DOP1A: variants seen among roughly 807,000 people sequenced by gnomAD.
DOP1A encodes protein DOP1A.
DOP1A carries 90 observed loss-of-function variants against 267.6 expected under a neutral mutation model. The ratio of observed to expected loss-of-function variants is 0.34; its 90% CI spans 0.28 to 0.40. DOP1A has a LOEUF of 0.40. Ranked by LOEUF, DOP1A falls within the 10% of genes least tolerant of loss-of-function variation. The probability of loss-of-function intolerance (pLI) is 1.00; values close to 1 mark genes in which losing one functional copy is unlikely to be tolerated. For synonymous variants in DOP1A, 932 were observed against 999.1 expected (o/e 0.93, Z 1.27); for missense variants, 2,437 against 2,900.4 (o/e 0.84, Z 3.67).
At chr6:83,139,835 T>C (rs950851579) in intron 21 of DOP1A, among the ~76,000 whole-genome samples, 165 bp from the exon 22 acceptor site, 3 of 152,154 alleles carry the variant, frequency 2.0e-5, no homozygotes, top group Non-Finnish European at 4.4e-5. Context: ...ACTTATTTTA[T>C]AGATTAGGAA....
intron 3 of DOP1A, 122 bp downstream of exon 3, chr6:83,097,237 TTGG>T: frequency 9.2e-7 from 1 of 1,085,266 alleles, no homozygotes; most frequent in South Asian, 1.7e-5. Flanking sequence ...TAGATTACTC[TTGG>T]TAGTGCTATT....
chr6:83,096,924 GGTA>G lies in DOP1A; in HGVS notation c.-53_-51del. 1.3e-6 allele frequency: 2 copies of G among 1,588,394 alleles called. No individual in the cohort carries two copies. On this transcript the variant is annotated splice_region_variant and 5_prime_UTR_variant, in exon 3 of 39. Coordinates refer to ENST00000349129, the MANE Select transcript of DOP1A (RefSeq NM_015018.4). ...GGTTCCTCCTGCAAACTCTTTTGTA[GGTA>G]ATGACTTTACATGAGTTTGGAACTG... is the stretch of plus-strand genomic sequence containing the variant.
intron 24 of DOP1A, among the ~76,000 whole-genome samples, chr6:83,142,835 C>A (rs2128286626): frequency 6.6e-6 from 1 of 151,950 alleles, no homozygotes; most frequent in African/African-American, 2.4e-5. Context: ...AATTTTGTTG[C>A]TTTCTGAGTT....
At chr6:83,071,350 G>A (rs1014026465) in intron 1 of DOP1A, among the ~76,000 whole-genome samples, 9 of 152,062 alleles carry the variant, frequency 5.9e-5, no homozygotes, top group Admixed American at 1.3e-4. Flanking sequence ...GGTATTACAG[G>A]CACCCACCAT....
chr6:83,170,478 C>T, downstream of DOP1A: 2 of 1,613,154 alleles, frequency 1.2e-6, no homozygotes, highest in Non-Finnish European at 1.7e-6. Context: ...CTGTCTGCAA[C>T]CTAAGTGCAA....
chr6:83,114,452 T>A (rs916280470), intron 7 of DOP1A, among the ~76,000 whole-genome samples: 1 of 152,202 alleles, frequency 6.6e-6, no homozygotes, highest in Non-Finnish European at 1.5e-5. Flanking sequence ...AAGAAAGATT[T>A]ATGTTTTTTT....
In DOP1A at chr6:83,132,238, T is replaced by C. The variant is rs745946235; in HGVS notation, c.2679T>C (p.Ser893=). 32 of 1,613,756 alleles carry C rather than the reference T, an allele frequency of 2.0e-5. No individual in the cohort carries two copies. Among genetic ancestry groups the C allele is most frequent in the Non-Finnish European group, 2.6e-5 (31 of 1,179,796 alleles). Residue 893 remains serine (S), a synonymous_variant, in exon 18 of 39, where the codon AGT becomes AGC. Transcript: ENST00000349129. ...GGACACCTCAGCATCACCAGAAGAG[T>C]GTGGAACTATTTTATCAATTACATA... ...GDGTPQHHQK[S]VELFYQLHNL...
intron 4 of DOP1A, among the ~76,000 whole-genome samples, chr6:83,108,288 T>C (rs958771440): frequency 2.6e-5 from 4 of 152,162 alleles, no homozygotes; most frequent in Admixed American, 2.6e-4. Context: ...CAAGCAGTCC[T>C]CTACTCTCAG....
intron 4 of DOP1A, among the ~76,000 whole-genome samples, chr6:83,103,285 A>G (rs1469086179): frequency 6.6e-6 from 1 of 152,222 alleles, no homozygotes; most frequent in Non-Finnish European, 1.5e-5. Flanking sequence ...GAGCTAAGCT[A>G]TGAGGATGCA....
At chr6:83,170,190 G>C, downstream of DOP1A, 1 of 918,906 alleles carries the variant, frequency 1.1e-6, no homozygotes, top group Non-Finnish European at 1.7e-6. Flanking sequence ...GAACCTAAAA[G>C]GCTCAACAAA....
chr6:83,156,803 T>A (rs1040136131), intron 34 of DOP1A, among the ~76,000 whole-genome samples: 1 of 152,226 alleles, frequency 6.6e-6, no homozygotes, highest in African/African-American at 2.4e-5. Context: ...ATTTCAGATA[T>A]GCAAAATGTA....
intron 7 of DOP1A, among the ~76,000 whole-genome samples, chr6:83,116,063 C>G (rs1414062763): frequency 6.6e-6 from 1 of 152,074 alleles, no homozygotes; most frequent in Non-Finnish European, 1.5e-5. Flanking sequence ...GTGATTTGTT[C>G]TTTTGGTTAA....
chr6:83,150,630 A>T (rs1016038755), intron 27 of DOP1A, among the ~76,000 whole-genome samples: 2 of 152,202 alleles, frequency 1.3e-5, no homozygotes, highest in Non-Finnish European at 2.9e-5. Flanking sequence ...TTCATTTTAC[A>T]TATTAGTTTG....
intron 30 of DOP1A, among the ~76,000 whole-genome samples, chr6:83,152,793 T>C (rs1056722747): frequency 3.3e-5 from 5 of 152,004 alleles, no homozygotes; most frequent in African/African-American, 4.8e-5. Flanking sequence ...AATTTTTGTA[T>C]TTTTAGTAGA....
chr6:83,082,581 A>T (rs1041940904), intron 1 of DOP1A, among the ~76,000 whole-genome samples: 1 of 152,172 alleles, frequency 6.6e-6, no homozygotes, highest in Non-Finnish European at 1.5e-5. Flanking sequence ...AGTTCAAGGA[A>T]TCTGTTGTAC....
intron 1 of DOP1A, among the ~76,000 whole-genome samples, chr6:83,081,461 C>T (rs1768060917): frequency 1.3e-5 from 2 of 152,152 alleles, no homozygotes. Context: ...GGGGCAAGGA[C>T]ATTCTCTTCA....
At chr6:83,125,238 C>T (rs72903882) in intron 14 of DOP1A, 43 bp downstream of exon 14, 27,623 of 1,526,990 alleles carry the variant, frequency 0.018, 299 homozygotes, top group African/African-American at 0.037. Flanking sequence ...ATTCTATTTA[C>T]TTTTGTTATA....
At chr6:83,151,532 A>T (rs550467834) in intron 27 of DOP1A, 61 bp from the exon 28 acceptor site, 1 of 1,349,332 alleles carries the variant, frequency 7.4e-7, no homozygotes, top group South Asian at 1.4e-5. Context: ...GAGAAATTAG[A>T]TCGCATTAGT....
At chr6:83,097,405 C>T (rs1365898764) in intron 3 of DOP1A, among the ~76,000 whole-genome samples, 2 of 152,144 alleles carry the variant, frequency 1.3e-5, no homozygotes, top group East Asian at 3.9e-4. Flanking sequence ...ACTATGAGGG[C>T]TAGTAAATTT....
Sources: gnomAD v4.1 joint callset for allele counts (sites outside exome capture counted in the v4.1 genomes callset) on GRCh38, gnomAD v4.1.1 for gene constraint, MANE v1.5 for transcripts, NCBI Gene and HGNC (gene_info 2026-07-23, HGNC 2026-07-21) for gene names.